The following SPRY3 variants were observed in gnomAD, a reference collection of about 807,000 sequenced individuals.
The protein encoded by SPRY3 is sprouty RTK signaling antagonist 3, also known as protein sprouty homolog 3.
In SPRY3, 15 loss-of-function variants were observed where a neutral mutation model predicts 20.2. The observed-to-expected ratio is 0.74, with a 90% confidence interval of 0.50 to 1.14. The LOEUF (loss-of-function observed/expected upper bound fraction) is 1.14, where lower values mean the gene tolerates loss of function less well. Ranked by LOEUF, SPRY3 falls within the 50% of genes most tolerant of loss-of-function variation. The pLI, the probability that SPRY3 is intolerant of heterozygous loss-of-function variation, is 0.00. For missense variants in SPRY3, 364 were observed against 363.9 expected, an observed-to-expected ratio of 1.00 and a Z score of 0.00; for synonymous variants, 143 against 136.5, an observed-to-expected ratio of 1.05 and a Z score of -0.33.
chrX:155,688,616 T>C (rs770092542), intron 2 of SPRY3, among the ~76,000 whole-genome samples: 3 of 111,488 alleles, frequency 2.7e-5, no homozygotes, highest in Non-Finnish European at 5.7e-5. Context: ...GGTTTTGATG[T>C]GCATTTCTCT....
At chrX:155,680,145 G>GGTGT (rs774435204) in intron 2 of SPRY3, among the ~76,000 whole-genome samples, 4,942 of 70,039 alleles carry the variant, frequency 0.071, 177 homozygotes, top group African/African-American at 0.16. Context: ...AAGCAATGCT[G>GGTGT]GTGTGTGTGT....
rs766838745 is a variant in SPRY3, at chrX:155,726,764, C to T, written c.-281-41198C>T. On this transcript the variant is annotated intron_variant, in intron 2 of 3. Coordinates refer to ENST00000675360, the Ensembl canonical transcript of SPRY3. Reference sequence around the variant, plus strand: ...AATACAGCACACTGATGGGTCTTGACTCTTTATCCAATTTGCCAGTCTGTG... The same window carrying T: ...AATACAGCACACTGATGGGTCTTGATTCTTTATCCAATTTGCCAGTCTGTG... Among the ~76,000 whole-genome samples, 170 of 152,262 alleles carry T rather than the reference C, an allele frequency of 1.1e-3. 1 individual carries two copies. The highest frequency in any genetic ancestry group is 4.0e-3 in the African/African-American group (166 of 41,548).
intron 2 of SPRY3, among the ~76,000 whole-genome samples, chrX:155,717,274 G>T (rs306938): frequency 0.26 from 38,721 of 151,332 alleles, 5,275 homozygotes; most frequent in African/African-American, 0.42. Flanking sequence ...TAAGTAGCCC[G>T]TCTATAGCTC....
chrX:155,665,289 A>C (rs1318529288), intron 2 of SPRY3, among the ~76,000 whole-genome samples: 1 of 111,285 alleles, frequency 9.0e-6, no homozygotes, highest in East Asian at 2.8e-4. Flanking sequence ...AAATTGGTAT[A>C]ACTGCTTTAG....
At chrX:155,698,834 C>A (rs1044497697) in intron 2 of SPRY3, among the ~76,000 whole-genome samples, 1 of 111,953 alleles carries the variant, frequency 8.9e-6, no homozygotes, top group African/African-American at 3.2e-5. Context: ...TGGCTATCAA[C>A]GTGTAGTTGG....
At chrX:155,715,327 C>G (rs1431806286) in intron 2 of SPRY3, among the ~76,000 whole-genome samples, 1 of 152,150 alleles carries the variant, frequency 6.6e-6, no homozygotes, top group Non-Finnish European at 1.5e-5. Context: ...CCCTTCAAGA[C>G]AGCAGATTTC....
intron 2 of SPRY3, among the ~76,000 whole-genome samples, chrX:155,722,657 G>A (rs1384456330): frequency 1.3e-5 from 2 of 151,808 alleles, no homozygotes; most frequent in Non-Finnish European, 2.9e-5. Context: ...CAAAATGACA[G>A]GAGTAAGTCC....
chrX:155,761,121 A>G (rs2091302413), intron 2 of SPRY3, among the ~76,000 whole-genome samples: 1 of 152,108 alleles, frequency 6.6e-6, no homozygotes, highest in African/African-American at 2.4e-5. Flanking sequence ...TTGACATTTT[A>G]CCCCACCACC....
intron 2 of SPRY3, among the ~76,000 whole-genome samples, chrX:155,760,344 C>T (rs2091299158): frequency 6.6e-6 from 1 of 152,180 alleles, no homozygotes; most frequent in Non-Finnish European, 1.5e-5. Flanking sequence ...CCAGGTCTGA[C>T]TTCCAAGGCC....
At chrX:155,768,331 GA>G (rs965936935) in intron 3 of SPRY3, among the ~76,000 whole-genome samples, 195 bp downstream of exon 2, 1 of 152,128 alleles carries the variant, frequency 6.6e-6, no homozygotes. Flanking sequence ...GGCTCTCGCA[GA>G]AAACTATCCA....
At chrX:155,715,275 T>A (rs4099490) in intron 2 of SPRY3, among the ~76,000 whole-genome samples, 2,755 of 152,058 alleles carry the variant, frequency 0.018, 2 homozygotes, top group Non-Finnish European at 0.025. Flanking sequence ...CCCAAGGGCT[T>A]TTTAGTCAGC....
At chrX:155,757,738 G>A (rs1333747074) in intron 2 of SPRY3, among the ~76,000 whole-genome samples, 1 of 152,134 alleles carries the variant, frequency 6.6e-6, no homozygotes, top group East Asian at 1.9e-4. Context: ...GGAGTATGTA[G>A]CTTGATAAAG....
chrX:155,762,611 G>A (rs1250126767), intron 2 of SPRY3, among the ~76,000 whole-genome samples: 2 of 152,096 alleles, frequency 1.3e-5, no homozygotes, highest in Non-Finnish European at 2.9e-5. Flanking sequence ...GAGAAATCAG[G>A]ATGAGCAGGT....
At chrX:155,685,403 CT>C (rs767255277) in intron 2 of SPRY3, among the ~76,000 whole-genome samples, 323 of 92,980 alleles carry the variant, frequency 3.5e-3, no homozygotes, top group East Asian at 5.5e-3. Context: ...GTAGGGATTT[CT>C]TTTTTTTTTT....
chrX:155,659,155 CTTTT>C (rs782482696), intron 2 of SPRY3, among the ~76,000 whole-genome samples: 1 of 88,271 alleles, frequency 1.1e-5, no homozygotes, highest in Non-Finnish European at 2.3e-5. Context: ...TTCTTTCTTT[CTTTT>C]TTTGAGACAG....
At chrX:155,740,214 C>G (rs1245434886) in intron 2 of SPRY3, among the ~76,000 whole-genome samples, 1 of 152,144 alleles carries the variant, frequency 6.6e-6, no homozygotes, top group Admixed American at 6.5e-5. Context: ...CTCAGGACCA[C>G]TATTGTGTTA....
Position 155,767,958 on chromosome X carries a change from A to C in SPRY3, c.-281-4A>C, listed in dbSNP as rs1431899122. On this transcript the variant is annotated splice_region_variant and splice_polypyrimidine_tract_variant and intron_variant, in intron 2 of 3. Transcript: ENST00000675360. Reference sequence around the variant, plus strand: ...TGTTTTGTGTTTTCTCTGCTGTGTCAAAGAACAAGACAGAACTATCTCTGT... The same window carrying C: ...TGTTTTGTGTTTTCTCTGCTGTGTCCAAGAACAAGACAGAACTATCTCTGT... 6.6e-6 allele frequency: 1 copy of C among 152,218 alleles called. No homozygotes were observed. Among genetic ancestry groups the C allele is most frequent in the African/African-American group, 2.4e-5 (1 of 41,186 alleles). 9.4% of individuals were successfully genotyped at this position (152,218 alleles called of 1,614,324 possible).
intron 1 of SPRY3, among the ~76,000 whole-genome samples, chrX:155,619,810 A>G (rs191805715): frequency 3.3e-4 from 37 of 111,909 alleles, no homozygotes; most frequent in Admixed American, 1.9e-4. Flanking sequence ...TAAGGTATCT[A>G]TAATACATAT....
At chrX:155,648,681 A>G (rs1361930622) in intron 1 of SPRY3, among the ~76,000 whole-genome samples, 9 of 111,961 alleles carry the variant, frequency 8.0e-5, no homozygotes, top group Admixed American at 2.8e-4. Flanking sequence ...TACCAGTACC[A>G]TGCTATTTTG....
Sources: allele counts gnomAD v4.1 joint callset (sites outside exome capture counted in the v4.1 genomes callset), GRCh38; gene constraint gnomAD v4.1.1; transcripts MANE v1.5; gene names NCBI Gene and HGNC (gene_info 2026-07-23, HGNC 2026-07-21).